The following TCF4 variants were observed in gnomAD, a reference collection of about 807,000 sequenced individuals.
TCF4 encodes transcription factor 4.
A neutral mutation model predicts 82.1 loss-of-function variants in TCF4; 3 were observed. That is an observed-to-expected ratio of 0.04 (90% confidence interval 0.02 to 0.09). The LOEUF is 0.09. TCF4 is among the 10% of genes least tolerant of loss of function. The pLI is 1.00. For synonymous variants in TCF4, 276 were observed against 309.6 expected, an observed-to-expected ratio of 0.89 and a Z score of 1.14; for missense variants, 518 against 852.7, an observed-to-expected ratio of 0.61 and a Z score of 4.89.
intron 5 of TCF4, among the ~76,000 whole-genome samples, chr18:55,444,963 T>C (rs891835256): frequency 5.9e-5 from 9 of 152,194 alleles, no homozygotes; most frequent in African/African-American, 2.2e-4. Context: ...ACCATTTCCA[T>C]CATTTTAATA....
intron 12 of TCF4, chr18:55,261,082 T>A (rs1014350518): frequency 6.4e-6 from 1 of 156,254 alleles, no homozygotes; most frequent in African/African-American, 2.4e-5. Context: ...TTTTTTTTTT[T>A]TTTTTTTTCA....
chr18:55,497,791 C>T (rs938939272), intron 3 of TCF4, among the ~76,000 whole-genome samples: 3 of 151,836 alleles, frequency 2.0e-5, no homozygotes, highest in Non-Finnish European at 4.4e-5. Context: ...AATGAGAGAA[C>T]AGAAATCAGA....
chr18:55,451,037 G>C (rs1031530706), intron 5 of TCF4, among the ~76,000 whole-genome samples: 1 of 152,118 alleles, frequency 6.6e-6, no homozygotes, highest in African/African-American at 2.4e-5. Flanking sequence ...TTATTTTATA[G>C]GATTACTGTT....
At chr18:55,493,611 T>C (rs1603588539) in intron 3 of TCF4, among the ~76,000 whole-genome samples, 1 of 152,174 alleles carries the variant, frequency 6.6e-6, no homozygotes, top group Non-Finnish European at 1.5e-5. Context: ...CCTTGATAAT[T>C]CTTGAACACA....
chr18:55,511,721 T>G (rs935230314), intron 3 of TCF4, among the ~76,000 whole-genome samples: 1 of 152,130 alleles, frequency 6.6e-6, no homozygotes, highest in African/African-American at 2.4e-5. Flanking sequence ...TATTCCTGAT[T>G]GAATTGCATT....
intron 7 of TCF4, 151 bp downstream of exon 7, chr18:55,350,723 A>AG: frequency 1.0e-6 from 1 of 977,578 alleles, no homozygotes; most frequent in Non-Finnish European, 1.5e-6. Flanking sequence ...TCAGTGTACT[A>AG]GGGGGGAAGT....
At chr18:55,253,985 T>A (rs2056050815) in intron 15 of TCF4, among the ~76,000 whole-genome samples, 1 of 151,976 alleles carries the variant, frequency 6.6e-6, no homozygotes, top group Non-Finnish European at 1.5e-5. Context: ...AGCCAAGGAG[T>A]TGGAACAACC....
intron 6 of TCF4, among the ~76,000 whole-genome samples, chr18:55,377,797 C>T (rs957077347): frequency 1.3e-5 from 2 of 152,186 alleles, no homozygotes; most frequent in East Asian, 1.9e-4. Flanking sequence ...AAATCAAAGG[C>T]AATTCTATAC....
intron 15 of TCF4, among the ~76,000 whole-genome samples, chr18:55,253,896 C>T (rs2056015782): frequency 6.6e-6 from 1 of 152,110 alleles, no homozygotes; most frequent in Admixed American, 6.6e-5. Context: ...CAACAATGAC[C>T]CAGCAATTCA....
intron 5 of TCF4, among the ~76,000 whole-genome samples, chr18:55,410,764 C>G (rs559549830): frequency 2.0e-4 from 31 of 152,170 alleles, no homozygotes; most frequent in Non-Finnish European, 3.4e-4. Flanking sequence ...TACCGTAATC[C>G]TCTCCCCAAA....
Position 55,585,355 on chromosome 18 carries a change from A to G in TCF4, c.73-3T>C, listed in dbSNP as rs148658897. The G allele has an allele frequency of 4.5e-4, 720 of 1,613,508 alleles. 1 individual carries two copies. In the African/African-American group the frequency reaches 6.2e-3, roughly 14 times the overall value. On this transcript the variant is annotated splice_region_variant and splice_polypyrimidine_tract_variant and intron_variant, in intron 2 of 19. Transcript: ENST00000354452. ...CTGCTCACAGGAGGTGAAAACATCT[A>G]AAAGAAACAAAGAAATATTACAGTT...
At position 55,585,791 on chromosome 18, in the gene TCF4, A is replaced by G. The variant is rs1027104101; in HGVS notation, c.73-439T>C. The G allele has an allele frequency of 1.8e-5, 20 of 1,099,322 alleles. No homozygotes were observed. The African/African-American group carries it at 3.1e-4, about 17-fold the overall frequency. 68.1% of individuals were successfully genotyped at this position (1,099,322 alleles called of 1,614,324 possible). ...GATTTGCCTGTCATATGTGAACCCA[A>G]ATAAAAATAAAAGTGCCACCTGCAC... On this transcript the variant is annotated intron_variant, in intron 2 of 19. Coordinates refer to ENST00000354452, the MANE Select transcript of TCF4 (RefSeq NM_001083962.2).
At chr18:55,314,051 G>C (rs1037813420) in intron 8 of TCF4, among the ~76,000 whole-genome samples, 1 of 152,116 alleles carries the variant, frequency 6.6e-6, no homozygotes, top group African/African-American at 2.4e-5. Context: ...GCTTAGGGAA[G>C]CTTAGTGCAG....
intron 15 of TCF4, among the ~76,000 whole-genome samples, chr18:55,246,466 A>G (rs900335794): frequency 2.6e-5 from 4 of 152,124 alleles, no homozygotes; most frequent in Non-Finnish European, 5.9e-5. Flanking sequence ...ATTCATGTGG[A>G]GAGAAGGGGA....
At chr18:55,302,998 C>T (rs2068811912) in intron 8 of TCF4, among the ~76,000 whole-genome samples, 1 of 152,138 alleles carries the variant, frequency 6.6e-6, no homozygotes, top group Non-Finnish European at 1.5e-5. Flanking sequence ...CCAGATTTCT[C>T]TTATGGTGAG....
At chr18:55,322,039 A>G (rs961862574) in intron 8 of TCF4, 41 of 1,175,224 alleles carry the variant, frequency 3.5e-5, no homozygotes, top group Non-Finnish European at 4.0e-5. Flanking sequence ...AGTTCCTCGA[A>G]TAATGCCGAT....
At chr18:55,621,657 ATATACAT>A (rs2097719813) in intron 2 of TCF4, among the ~76,000 whole-genome samples, 1 of 50,696 alleles carries the variant, frequency 2.0e-5, no homozygotes, top group Non-Finnish European at 3.6e-5. Context: ...ACATTATATA[ATATACAT>A]TATATAATAT....
intron 3 of TCF4, among the ~76,000 whole-genome samples, chr18:55,559,862 C>G (rs986261576): frequency 1.3e-5 from 2 of 151,980 alleles, no homozygotes; most frequent in Admixed American, 6.6e-5. Flanking sequence ...AACATTCACC[C>G]AAAAATGCTG....
At chr18:55,560,458 G>C (rs1251995316) in intron 3 of TCF4, among the ~76,000 whole-genome samples, 1 of 152,188 alleles carries the variant, frequency 6.6e-6, no homozygotes, top group African/African-American at 2.4e-5. Flanking sequence ...TGGCAGGTAG[G>C]TCCTTTGAGG....
Sources: gnomAD v4.1 joint callset for allele counts (sites outside exome capture counted in the v4.1 genomes callset) on GRCh38, gnomAD v4.1.1 for gene constraint, MANE v1.5 for transcripts, NCBI Gene and HGNC (gene_info 2026-07-23, HGNC 2026-07-21) for gene names.